MALRD1: variants seen among roughly 807,000 people sequenced by gnomAD.
MALRD1 encodes the protein MAM and LDL receptor class A domain containing 1, also known as MAM and LDL-receptor class A domain-containing protein 1.
In MALRD1, 247 loss-of-function variants were observed where a neutral mutation model predicts 242.1. The observed-to-expected ratio is 1.02, with a 90% CI of 0.92 to 1.13. The LOEUF (loss-of-function observed/expected upper bound fraction) is 1.13. MALRD1 is among the 50% of genes most tolerant of loss of function. The probability of loss-of-function intolerance (pLI) is 0.00; values close to 1 mark genes in which losing one functional copy is unlikely to be tolerated. For missense variants in MALRD1, 2,989 were observed against 2,533.1 expected (o/e 1.18, Z -3.86); for synonymous variants, 995 against 866.6 (o/e 1.15, Z -2.60).
intron 26 of MALRD1, among the ~76,000 whole-genome samples, chr10:19,361,862 T>A (rs1217677003): frequency 1.3e-5 from 2 of 152,164 alleles, no homozygotes; most frequent in East Asian, 3.9e-4. Flanking sequence ...GTATTTCTTA[T>A]CAAAAGTTCG....
chr10:19,464,709 A>G (rs761722993), intron 29 of MALRD1, among the ~76,000 whole-genome samples: 2 of 152,036 alleles, frequency 1.3e-5, no homozygotes, highest in Non-Finnish European at 2.9e-5. Flanking sequence ...TTTCTGTTCC[A>G]TATGAATTTT....
intron 12 of MALRD1, among the ~76,000 whole-genome samples, chr10:19,158,959 GGTCATTGT>G (rs1236246450): frequency 6.6e-6 from 1 of 152,154 alleles, no homozygotes; most frequent in African/African-American, 2.4e-5. Context: ...TCTATTCCCT[GGTCATTGT>G]GTTTAATCCA....
intron 32 of MALRD1, among the ~76,000 whole-genome samples, chr10:19,563,944 G>A (rs1011692586): frequency 3.3e-5 from 5 of 152,106 alleles, no homozygotes; most frequent in African/African-American, 1.2e-4. Flanking sequence ...CCCGCCTCCG[G>A]CACTGTCTCT....
Position 19,530,380 on chromosome 10 carries a change from T to TATATA in MALRD1, c.5321-812_5321-811insATAAT, listed in dbSNP as rs1564417143. ...ATATTTATATAAATATTTATATAAATATTATATATTTATATAAATATTATA... is the reference window on the plus strand; with the variant it reads ...ATATTTATATAAATATTTATATAAATATATAATTATATATTTATATAAATATTATA... On this transcript the variant is annotated intron_variant, in intron 31 of 39. Transcript: ENST00000454679. 4.0e-4 allele frequency among the ~76,000 whole-genome samples: 30 copies of TATATA among 75,278 alleles called. 5 individuals are homozygous for TATATA. Among genetic ancestry groups the TATATA allele is most frequent in the Admixed American group, 1.2e-3 (6 of 5,210 alleles). The allele number at this position is 75,278 out of a possible 152,430, so 49.4% of individuals were successfully genotyped here.
rs564209520 is a variant in MALRD1 at position 19,119,574 on chromosome 10, A to G, written c.695-3918A>G. 3.5e-4 allele frequency among the ~76,000 whole-genome samples: 53 copies of G among 152,272 alleles called. No homozygotes were observed. The South Asian group carries it at 0.01, about 30-fold the overall frequency. On this transcript the variant is annotated intron_variant, in intron 5 of 39. Coordinates refer to ENST00000454679, the MANE Select transcript of MALRD1 (RefSeq NM_001142308.3). ...TCCTGGGTTGAGGCCACAAGATCAG[A>G]TGAGCCAATTTATTGACCTGGATGG...
chr10:19,324,232 A>AAATC, intron 22 of MALRD1, 127 bp downstream of exon 22: 4 of 896,338 alleles, frequency 4.5e-6, no homozygotes, highest in Non-Finnish European at 6.7e-6. Flanking sequence ...CACTAGATTT[A>AAATC]TAGTGGTATA....
chr10:19,424,556 T>C (rs1833833467), intron 28 of MALRD1, among the ~76,000 whole-genome samples: 1 of 152,178 alleles, frequency 6.6e-6, no homozygotes, highest in Admixed American at 6.5e-5. Context: ...CATACACTAA[T>C]ATGAGATCTG....
rs145363230 is a variant in MALRD1, at chr10:19,201,338, T to C, written c.1952-2390T>C. ...TAACAGCATAATTATCTGTTGAAAA[T>C]CATTATCTTTGAAGAGTCTTATCTA... On this transcript the variant is annotated intron_variant, in intron 14 of 39. Transcript: ENST00000454679. Among the ~76,000 whole-genome samples the C allele has an allele frequency of 3.2e-3, 493 of 152,266 alleles. 3 individuals carry two copies. The highest frequency in any genetic ancestry group is 0.012 in the African/African-American group (479 of 41,556).
At chr10:19,446,447 A>C (rs924374204) in intron 28 of MALRD1, among the ~76,000 whole-genome samples, 9 of 152,254 alleles carry the variant, frequency 5.9e-5, no homozygotes, top group Non-Finnish European at 1.2e-4. Context: ...ATGGTTTAAA[A>C]AAATGGCTAG....
chr10:19,171,825 T>C (rs1271202931), intron 13 of MALRD1, among the ~76,000 whole-genome samples: 1 of 144,902 alleles, frequency 6.9e-6, no homozygotes, highest in African/African-American at 2.5e-5. Context: ...TGGTTATATA[T>C]ATACATATAT....
At chr10:19,131,359 G>A (rs1418022250) in intron 8 of MALRD1, among the ~76,000 whole-genome samples, 2 of 152,068 alleles carry the variant, frequency 1.3e-5, no homozygotes, top group Non-Finnish European at 2.9e-5. Context: ...CTTGAGAAGT[G>A]AAAAACTCAG....
At chr10:19,235,628 G>T (rs1410107254) in intron 18 of MALRD1, among the ~76,000 whole-genome samples, 4 of 142,560 alleles carry the variant, frequency 2.8e-5, no homozygotes, top group African/African-American at 7.9e-5. Context: ...CTAGGTAAGA[G>T]GCCACCAACC....
At chr10:19,428,668 T>C (rs1833997324) in intron 28 of MALRD1, among the ~76,000 whole-genome samples, 1 of 150,940 alleles carries the variant, frequency 6.6e-6, no homozygotes, top group Non-Finnish European at 1.5e-5. Flanking sequence ...ACTCTTTCAA[T>C]CATTTGAAAT....
chr10:19,071,050 C>T (rs1371301196), intron 2 of MALRD1, among the ~76,000 whole-genome samples: 2 of 151,666 alleles, frequency 1.3e-5, no homozygotes, highest in Non-Finnish European at 1.5e-5. Context: ...TGAGGTTCTC[C>T]ATGTTGGCCA....
chr10:19,121,831 A>G (rs1244195273), intron 5 of MALRD1, among the ~76,000 whole-genome samples: 1 of 152,162 alleles, frequency 6.6e-6, no homozygotes, highest in Non-Finnish European at 1.5e-5. Context: ...ATGTGAAGCA[A>G]GGTGGTGAGC....
intron 36 of MALRD1, among the ~76,000 whole-genome samples, chr10:19,660,721 C>T (rs903238568): frequency 3.3e-5 from 5 of 152,104 alleles, no homozygotes; most frequent in South Asian, 2.1e-4. Context: ...ATACCAGTGG[C>T]GTTAATTCTA....
At chr10:19,385,899 T>C (rs1396984306) in intron 26 of MALRD1, among the ~76,000 whole-genome samples, 1 of 152,094 alleles carries the variant, frequency 6.6e-6, no homozygotes, top group Non-Finnish European at 1.5e-5. Context: ...TTGCTGCATC[T>C]CACAAGTTTT....
At chr10:19,278,366 T>TATA (rs1426027789) in intron 19 of MALRD1, among the ~76,000 whole-genome samples, 1 of 152,184 alleles carries the variant, frequency 6.6e-6, no homozygotes, top group African/African-American at 2.4e-5. Flanking sequence ...ATGGTTTTCC[T>TATA]CTGTTTTCTT....
At chr10:19,376,123 AAAAAC>A (rs1239961519) in intron 26 of MALRD1, among the ~76,000 whole-genome samples, 1 of 152,270 alleles carries the variant, frequency 6.6e-6, no homozygotes, top group Non-Finnish European at 1.5e-5. Flanking sequence ...CTTCGTCTCA[AAAAAC>A]AAAACAAAAC....
Sources: allele counts gnomAD v4.1 joint callset (sites outside exome capture counted in the v4.1 genomes callset), GRCh38; gene constraint gnomAD v4.1.1; transcripts MANE v1.5; gene names NCBI Gene and HGNC (gene_info 2026-07-23, HGNC 2026-07-21).